KAT6B: variants seen among roughly 807,000 people sequenced by gnomAD.
KAT6B encodes lysine acetyltransferase 6B, also known as histone acetyltransferase KAT6B.
KAT6B carries 10 observed loss-of-function variants against 187.5 expected under a neutral mutation model. The observed-to-expected ratio is 0.05, with a 90% CI of 0.03 to 0.09. The LOEUF (loss-of-function observed/expected upper bound fraction) is 0.09. KAT6B is among the 10% of genes least tolerant of loss of function. KAT6B has a pLI of 1.00. For missense variants in KAT6B, 1,952 were observed against 2,558.9 expected, an observed-to-expected ratio of 0.76 and a Z score of 5.12; for synonymous variants, 861 against 926.8, an observed-to-expected ratio of 0.93 and a Z score of 1.29.
At chr10:75,004,404 C>T (rs568419908) in intron 13 of KAT6B, among the ~76,000 whole-genome samples, 2 of 152,310 alleles carry the variant, frequency 1.3e-5, no homozygotes, top group East Asian at 3.9e-4. Flanking sequence ...AGCTTTTGAC[C>T]AGTAGTGCTT....
intron 3 of KAT6B, among the ~76,000 whole-genome samples, chr10:74,853,862 CT>C (rs970688810): frequency 5.3e-5 from 8 of 152,032 alleles, no homozygotes; most frequent in Non-Finnish European, 5.9e-5. Flanking sequence ...AACTCCTGAC[CT>C]TGTGATCTGC....
In KAT6B at chr10:74,985,065, G is replaced by A. The variant is rs372333270; in HGVS notation, c.2374-15G>A. On this transcript the variant is annotated splice_polypyrimidine_tract_variant and intron_variant, in intron 11 of 17. Coordinates refer to ENST00000287239, the MANE Select transcript of KAT6B (RefSeq NM_012330.4). Reference sequence around the variant, plus strand: ...ATTTTTATGTTAAATAATGTTGTCTGTTTCTTTTTGCTAGGTTGATGGGAA... The same window carrying A: ...ATTTTTATGTTAAATAATGTTGTCTATTTCTTTTTGCTAGGTTGATGGGAA... 1.2e-6 allele frequency: 2 copies of A among 1,611,948 alleles called. No individual in the cohort carries two copies. Among genetic ancestry groups the A allele is most frequent in the Non-Finnish European group, 1.7e-6 (2 of 1,178,112 alleles).
At chr10:74,848,073 C>T (rs181151725) in intron 3 of KAT6B, among the ~76,000 whole-genome samples, 10 of 152,104 alleles carry the variant, frequency 6.6e-5, no homozygotes, top group African/African-American at 2.2e-4. Context: ...CGTGCGCCAC[C>T]ATGCCTGGCT....
intron 2 of KAT6B, among the ~76,000 whole-genome samples, chr10:74,839,100 C>T (rs1019514735): frequency 6.6e-6 from 1 of 151,534 alleles, no homozygotes; most frequent in Admixed American, 6.6e-5. Context: ...TTGCAGTGAG[C>T]CGAGATCATG....
rs938312734 is a variant in KAT6B at position 74,846,771 on chromosome 10, G to A, written c.621+3293G>A. On this transcript the variant is annotated intron_variant, in intron 3 of 17. Transcript: ENST00000287239. ...TATTTTTTATAAAAGCTTATACTGT[G>A]AAGAAATTCCTTAAGGGACTATAGA... 2.0e-4 allele frequency among the ~76,000 whole-genome samples: 30 copies of A among 152,284 alleles called. No individual in the cohort carries two copies. The East Asian group carries it at 4.1e-3, about 21-fold the overall frequency.
chr10:75,028,648 C>T lies in KAT6B; in HGVS notation c.3824C>T (p.Thr1275Ile), dbSNP rs539703139. 7 of 1,614,126 alleles carry T rather than the reference C, an allele frequency of 4.3e-6. No homozygotes were observed. Among genetic ancestry groups the T allele is most frequent in the South Asian group, 1.1e-5 (1 of 91,078 alleles). The change falls in exon 18 of 18, where the codon ACC becomes ATC. Residue 1275 changes from threonine to isoleucine, a missense_variant. Thr to Ile is a moderately conservative substitution (Grantham distance 89). Transcript: ENST00000287239. ...ACCGGATTTAAACTGAATTTGTACA[C>T]CCCGCCAGAAACACCCATGGAGCCT... ...RKTGFKLNLY[T>I]PPETPMEPDE...
chr10:74,938,626 A>C (rs1849434334), intron 3 of KAT6B, among the ~76,000 whole-genome samples: 2 of 152,208 alleles, frequency 1.3e-5, no homozygotes, highest in South Asian at 4.1e-4. Context: ...GAATACTGAA[A>C]TTTTATGGGC....
chr10:74,953,615 G>A (rs1369986471), intron 3 of KAT6B, among the ~76,000 whole-genome samples: 1 of 152,128 alleles, frequency 6.6e-6, no homozygotes, highest in African/African-American at 2.4e-5. Context: ...GTTTTTTTAA[G>A]CAGTCTCATG....
chr10:74,870,260 T>G (rs1843820162), intron 3 of KAT6B, among the ~76,000 whole-genome samples: 1 of 152,016 alleles, frequency 6.6e-6, no homozygotes, highest in South Asian at 2.1e-4. Context: ...ACCACTGCAT[T>G]CCAGCCTGGG....
At chr10:74,864,483 A>C (rs1421365575) in intron 3 of KAT6B, among the ~76,000 whole-genome samples, 1 of 151,998 alleles carries the variant, frequency 6.6e-6, no homozygotes, top group Non-Finnish European at 1.5e-5. Context: ...TCAAGTCTGT[A>C]TAAAAAAGCC....
chr10:74,963,098 C>G (rs1384730316), intron 4 of KAT6B, among the ~76,000 whole-genome samples: 1 of 152,114 alleles, frequency 6.6e-6, no homozygotes, highest in African/African-American at 2.4e-5. Context: ...TGATCAGTAA[C>G]TGTAAAACAT....
intron 13 of KAT6B, among the ~76,000 whole-genome samples, chr10:74,992,246 C>T (rs576503937): frequency 5.4e-4 from 82 of 152,178 alleles, no homozygotes; most frequent in African/African-American, 1.9e-3. Flanking sequence ...AAGATATAGC[C>T]GCCCACTTGC....
At chr10:74,937,217 G>A (rs867924445) in intron 3 of KAT6B, among the ~76,000 whole-genome samples, 2 of 152,176 alleles carry the variant, frequency 1.3e-5, no homozygotes, top group African/African-American at 4.8e-5. Flanking sequence ...TCTAAAAAGC[G>A]TAAAATGTAG....
In KAT6B at chr10:74,975,393, G is replaced by A. The variant is rs1210885980; in HGVS notation, c.1062-6G>A. Reference sequence around the variant, plus strand: ...TGCTGATACTATTCTCTAAATTTCTGCCTAGGTCTGTAACCAGTGATGAAG... The same window carrying A: ...TGCTGATACTATTCTCTAAATTTCTACCTAGGTCTGTAACCAGTGATGAAG... On this transcript the variant is annotated splice_polypyrimidine_tract_variant and splice_region_variant and intron_variant, in intron 7 of 17. Transcript: ENST00000287239. 6.2e-7 allele frequency: 1 copy of A among 1,612,578 alleles called. No individual in the cohort carries two copies. The highest frequency in any genetic ancestry group is 1.7e-5 in the Admixed American group (1 of 59,966).
chr10:74,871,189 T>A (rs1843927821), intron 3 of KAT6B, among the ~76,000 whole-genome samples: 1 of 120,978 alleles, frequency 8.3e-6, no homozygotes, highest in Non-Finnish European at 1.7e-5. Context: ...CCTGGCCTTT[T>A]TTTTTTTTTT....
At chr10:74,955,392 C>CA (rs1290313440) in intron 3 of KAT6B, among the ~76,000 whole-genome samples, 1 of 147,694 alleles carries the variant, frequency 6.8e-6, no homozygotes, top group Non-Finnish European at 1.5e-5. Flanking sequence ...ATCCCCCCCC[C>CA]CCCAACTTTT....
At position 75,020,597 on chromosome 10, in the gene KAT6B, G is replaced by T; in HGVS notation, c.2645G>T (p.Arg882Ile). The T allele has an allele frequency of 6.2e-7, 1 of 1,614,084 alleles. No homozygotes were observed. Among genetic ancestry groups the T allele is most frequent in the Non-Finnish European group, 8.5e-7 (1 of 1,179,942 alleles). Residue 882 changes from arginine to isoleucine, a missense_variant, in exon 14 of 18, where the codon AGA becomes ATA. Coordinates refer to ENST00000287239, the MANE Select transcript of KAT6B (RefSeq NM_012330.4). ...TCTGCCCTAGGCTATTTGCTTTCTA[G>T]AAGAGAAGGCCAAGCAGGGTCTCCT... Reference protein sequence around the residue: ...FLIDFSYLLSRREGQAGSPEK... With the variant: ...FLIDFSYLLSIREGQAGSPEK...
intron 15 of KAT6B, 93 bp from the exon 16 acceptor site, chr10:75,021,788 A>C: frequency 4.3e-6 from 6 of 1,386,738 alleles, no homozygotes; most frequent in African/African-American, 1.4e-5. Flanking sequence ...TCCTGATCAG[A>C]ACCGACTTAG....
In KAT6B at chr10:74,976,341, G is replaced by T; in HGVS notation, c.1993+11G>T. On this transcript the variant is annotated intron_variant, in intron 8 of 17. Coordinates refer to ENST00000287239, the MANE Select transcript of KAT6B (RefSeq NM_012330.4). ...CTGATCAGGATGATGGTAAGCAAAA[G>T]GTCAAAGCTCCAACCAAACCTGCGT... is the stretch of plus-strand genomic sequence containing the variant. 6.2e-7 allele frequency: 1 copy of T among 1,609,288 alleles called. No individual in the cohort carries two copies. Among genetic ancestry groups the T allele is most frequent in the East Asian group, 2.2e-5 (1 of 44,856 alleles).
Sources: gnomAD v4.1 joint callset for allele counts (sites outside exome capture counted in the v4.1 genomes callset) on GRCh38, gnomAD v4.1.1 for gene constraint, MANE v1.5 for transcripts, NCBI Gene and HGNC (gene_info 2026-07-23, HGNC 2026-07-21) for gene names.